Variants in SLC12A9 observed in about 807,000 individuals in gnomAD.
SLC12A9 encodes the protein solute carrier family 12 member 9, also known as CCC-interacting protein 1.
In SLC12A9, 55 loss-of-function variants were observed where a neutral mutation model predicts 66.0. That is an observed-to-expected ratio of 0.83 (90% CI 0.67 to 1.04). The LOEUF (loss-of-function observed/expected upper bound fraction) is 1.04. Among genes scored for constraint, SLC12A9 ranks in the 50% least tolerant of loss-of-function variants. SLC12A9 has a pLI of 0.00. For synonymous variants in SLC12A9, 577 were observed against 569.0 expected (o/e 1.01, Z -0.20); for missense variants, 1,061 against 1,241.9 (o/e 0.85, Z 2.19).
upstream of SLC12A9, among the ~76,000 whole-genome samples, chr7:100,850,259 C>CT (rs3048154): frequency 0.015 from 1,240 of 80,644 alleles, 26 homozygotes; most frequent in African/African-American, 0.043. Context: ...TTCTTTCTTT[C>CT]TTTTTTTTTT....
intron 1 of SLC12A9, among the ~76,000 whole-genome samples, chr7:100,840,113 T>A (rs899179495): frequency 6.6e-6 from 1 of 152,144 alleles, no homozygotes; most frequent in South Asian, 2.1e-4. Context: ...CTAGATACTC[T>A]GATTTTAGTT....
Position 100,861,141 on chromosome 7 carries a change from G to C in SLC12A9, c.1222G>C (p.Val408Leu). 6.2e-7 allele frequency: 1 copy of C among 1,614,192 alleles called. No individual in the cohort carries two copies. The highest frequency in any genetic ancestry group is 2.2e-5 in the East Asian group (1 of 44,886). Residue 408 changes from valine (V) to leucine (L), a missense_variant, in exon 10 of 14, where the codon GTG becomes CTG. Physicochemically the swap from Val to Leu is conservative, Grantham distance 32 (BLOSUM62 1). Transcript: ENST00000354161. The surrounding 1 kb of genome is among the most constrained non-coding windows in gnomAD (Gnocchi z 5.3). The stretch of plus-strand genomic sequence containing the variant: ...ACGCCTCTTGGCCCTTGCCCAGCTG[G>C]TGCTCCTGGCTGGGAAGCTGAACAC... The part of the protein sequence containing the change: ...VLYSWGLVQL[V>L]LLAGKLNTLA...
chr7:100,845,692 AC>A (rs1813895222), intron 1 of SLC12A9, among the ~76,000 whole-genome samples: 1 of 152,188 alleles, frequency 6.6e-6, no homozygotes, highest in Non-Finnish European at 1.5e-5. Flanking sequence ...GCCCATAAAA[AC>A]AGGCCAACTC....
intron 1 of SLC12A9, among the ~76,000 whole-genome samples, chr7:100,843,706 G>A (rs1232796913): frequency 6.6e-6 from 1 of 152,122 alleles, no homozygotes; most frequent in African/African-American, 2.4e-5. Context: ...CCCATGCTGT[G>A]GTAACTTGAA....
intron 1 of SLC12A9, among the ~76,000 whole-genome samples, chr7:100,833,241 TGGGAGGCCGAGGC>T (rs1164755406): frequency 6.6e-6 from 1 of 151,792 alleles, no homozygotes; most frequent in Non-Finnish European, 1.5e-5. Context: ...CTTAGCACTT[TGGGAGGCCGAGGC>T]GGGTGGATCA....
At position 100,863,954 on chromosome 7, in the gene SLC12A9, T is replaced by C. The variant is rs114001361; in HGVS notation, c.1858+1127T>C. ...TGTTTTGGGGTGTCGTCAAGCATCATTGACCCACAGAACATCTGAGAGCCT... is the reference window on the plus strand; with the variant it reads ...TGTTTTGGGGTGTCGTCAAGCATCACTGACCCACAGAACATCTGAGAGCCT... On this transcript the variant is annotated intron_variant, in intron 13 of 13. Transcript: ENST00000354161. Among the ~76,000 whole-genome samples, 1,384 of 152,344 alleles carry C rather than the reference T, an allele frequency of 9.1e-3. 26 individuals are homozygous for C. The highest frequency in any genetic ancestry group is 0.03 in the African/African-American group (1,255 of 41,576).
chr7:100,845,436 A>G lies in SLC12A9; in HGVS notation n.229-14449A>G, dbSNP rs990635400. ...GCAATCTCGGCTCACTGCAAACTCT[A>G]CCTCCCGGGTTCACGCCATTCTCCT... On this transcript the variant is annotated intron_variant and non_coding_transcript_variant, in intron 1 of 1. Transcript: ENST00000461016. 7.3e-5 allele frequency among the ~76,000 whole-genome samples: 11 copies of G among 151,548 alleles called. No homozygotes were observed. In the South Asian group the frequency reaches 1.9e-3, roughly 26 times the overall value.
chr7:100,834,851 G>C (rs1252422417), intron 1 of SLC12A9, among the ~76,000 whole-genome samples: 1 of 152,084 alleles, frequency 6.6e-6, no homozygotes, highest in Non-Finnish European at 1.5e-5. Flanking sequence ...CTGGGCAACA[G>C]AGCAAGACCC....
chr7:100,861,959 CT>C lies in SLC12A9; in HGVS notation c.1711+49del. 6.7e-7 allele frequency: 1 copy of C among 1,492,670 alleles called. No individual in the cohort carries two copies. Among genetic ancestry groups the C allele is most frequent in the East Asian group, 2.4e-5 (1 of 42,326 alleles). The allele number at this position is 1,492,670 out of a possible 1,614,324, so 92.5% of individuals were successfully genotyped here. A position where few individuals can be genotyped will look rare whatever the true frequency, so the allele number is the denominator to read the frequency against. ...CACTCACTCCCATCCTTCTCTCCCC[CT>C]ACCTTTTTTTTTTTTTTGAGATGGA... is the stretch of plus-strand genomic sequence containing the variant. On this transcript the variant is annotated intron_variant, in intron 12 of 13. Coordinates refer to ENST00000354161, the MANE Select transcript of SLC12A9 (RefSeq NM_020246.4). This position sits in a 1 kb window ranked among gnomAD's most constrained non-coding sequence, Gnocchi z 5.3.
At chr7:100,827,477 G>C (rs1813442913) in intron 1 of SLC12A9, 2 of 151,180 alleles carry the variant, frequency 1.3e-5, no homozygotes, top group Non-Finnish European at 3.0e-5. Context: ...ACTGCGGCGC[G>C]GAGCCGGGCG....
rs1814253786 is a variant in SLC12A9, at chr7:100,854,336, A to G, written c.139A>G (p.Thr47Ala). Residue 47 changes from threonine (T) to alanine (A), a missense_variant, in exon 2 of 14, where the codon ACT becomes GCT. Transcript: ENST00000354161. ...LSTFLGVVVPTVLSMFSIVVF... is the reference protein window; with the variant it reads ...LSTFLGVVVPAVLSMFSIVVF... ...CACCTTCCTGGGTGTGGTGGTGCCC[A>G]CTGTCCTGTCCATGTTCAGCATAGT... 1 of 1,613,060 alleles carries G rather than the reference A, an allele frequency of 6.2e-7. No individual in the cohort carries two copies. Among genetic ancestry groups the G allele is most frequent in the Non-Finnish European group, 8.5e-7 (1 of 1,179,750 alleles).
In SLC12A9 at chr7:100,865,672, G is replaced by C. The variant is rs746759674; in HGVS notation, c.1859-47G>C. The C allele has an allele frequency of 8.3e-6, 13 of 1,567,680 alleles. No individual in the cohort carries two copies. The Middle Eastern group carries it at 1.3e-3, about 154-fold the overall frequency. ...TGGGAGCGTGGTGTAAACTTAGCCT[G>C]TGAGCCTGACTCCTGTCTGTTCCTG... On this transcript the variant is annotated intron_variant, in intron 13 of 13. Coordinates refer to ENST00000354161, the MANE Select transcript of SLC12A9 (RefSeq NM_020246.4).
intron 1 of SLC12A9, among the ~76,000 whole-genome samples, chr7:100,842,355 AC>A (rs548980836): frequency 9.1e-4 from 138 of 152,326 alleles, no homozygotes; most frequent in African/African-American, 3.0e-3. Flanking sequence ...GCTTTGTTAT[AC>A]CCTGTGAGGA....
intron 13 of SLC12A9, among the ~76,000 whole-genome samples, chr7:100,863,373 CT>C (rs34098933): frequency 2.2e-3 from 330 of 151,308 alleles, no homozygotes; most frequent in African/African-American, 7.6e-3. Flanking sequence ...GCCTTTCCTT[CT>C]TTTTTTTTCT....
chr7:100,830,080 AGTGGCTCACACCT>A (rs1433371336), intron 1 of SLC12A9, among the ~76,000 whole-genome samples: 1 of 151,358 alleles, frequency 6.6e-6, no homozygotes, highest in Non-Finnish European at 1.5e-5. Flanking sequence ...GGCTGGGCGC[AGTGGCTCACACCT>A]GTAATCCCAG....
intron 1 of SLC12A9, among the ~76,000 whole-genome samples, chr7:100,844,525 A>G (rs1050108783): frequency 6.6e-6 from 1 of 152,204 alleles, no homozygotes; most frequent in Non-Finnish European, 1.5e-5. Context: ...AAGAGGCTAT[A>G]TGGCAGAAAA....
In SLC12A9 at chr7:100,862,777, C is replaced by T. The variant is rs374594303; in HGVS notation, c.1808C>T (p.Ser603Leu). The change falls in exon 13 of 14, where the codon TCA (serine) becomes TTA (leucine). Residue 603 changes from serine to leucine, a missense_variant. Coordinates refer to ENST00000354161, the MANE Select transcript of SLC12A9 (RefSeq NM_020246.4). ...AAGGCTTTTGTGGATCTAACCCTCTCACCCTCCGTGCGCCAGGGGGCTCAG... is the reference window on the plus strand; with the variant it reads ...AAGGCTTTTGTGGATCTAACCCTCTTACCCTCCGTGCGCCAGGGGGCTCAG... ...QVKAFVDLTL[S>L]PSVRQGAQHL... The T allele has an allele frequency of 1.2e-6, 2 of 1,614,060 alleles. No individual in the cohort carries two copies. Among genetic ancestry groups the T allele is most frequent in the African/African-American group, 1.3e-5 (1 of 74,912 alleles).
chr7:100,844,420 A>C (rs1813858343), intron 1 of SLC12A9, among the ~76,000 whole-genome samples: 1 of 152,172 alleles, frequency 6.6e-6, no homozygotes, highest in Non-Finnish European at 1.5e-5. Flanking sequence ...AACAGAAGAA[A>C]AAGAGGTGCC....
chr7:100,863,689 T>G (rs1814903405), intron 13 of SLC12A9, among the ~76,000 whole-genome samples: 1 of 152,222 alleles, frequency 6.6e-6, no homozygotes, highest in South Asian at 2.1e-4. Context: ...AGCGGTAAAT[T>G]CTCAGCTTTT....
Sources: gnomAD v4.1 joint callset for allele counts (sites outside exome capture counted in the v4.1 genomes callset) on GRCh38, gnomAD v4.1.1 for gene constraint, Gnocchi (gnomAD v3.1) non-coding constraint, MANE v1.5 for transcripts, NCBI Gene and HGNC (gene_info 2026-07-23, HGNC 2026-07-21) for gene names.